PHLPP1: variants seen among roughly 807,000 people sequenced by gnomAD.
The protein encoded by PHLPP1 is PH domain leucine-rich repeat-containing protein phosphatase 1.
PHLPP1 carries 42 observed loss-of-function variants against 117.2 expected under a neutral mutation model. That is an observed-to-expected ratio of 0.36 (90% CI 0.28 to 0.46). The LOEUF (loss-of-function observed/expected upper bound fraction) is 0.46, where lower values mean the gene tolerates loss of function less well. Among genes scored for constraint, PHLPP1 ranks in the 20% least tolerant of loss-of-function variants. The pLI, the probability that PHLPP1 is intolerant of heterozygous loss-of-function variation, is 1.00. For synonymous variants in PHLPP1, 1,042 were observed against 970.7 expected (o/e 1.07, Z -1.37); for missense variants, 2,084 against 2,241.9 (o/e 0.93, Z 1.42).
chr18:62,723,923 G>A (rs1277024889), intron 1 of PHLPP1, among the ~76,000 whole-genome samples: 1 of 152,146 alleles, frequency 6.6e-6, no homozygotes, highest in Non-Finnish European at 1.5e-5. Flanking sequence ...AACATTCTGA[G>A]GCTTCATTAG....
intron 12 of PHLPP1, among the ~76,000 whole-genome samples, chr18:62,950,899 C>T (rs1910436202): frequency 1.3e-5 from 2 of 152,094 alleles, no homozygotes; most frequent in Non-Finnish European, 2.9e-5. Context: ...CACCCAGCCT[C>T]ACCAGGAACA....
intron 10 of PHLPP1, among the ~76,000 whole-genome samples, chr18:62,931,668 G>T (rs934396558): frequency 6.6e-6 from 1 of 151,848 alleles, no homozygotes. Context: ...GCTGAGGCAG[G>T]TGGATCATAA....
intron 3 of PHLPP1, among the ~76,000 whole-genome samples, chr18:62,858,559 G>GTAGAACATACAGTTCTGCTGTAC (rs1319087870): frequency 6.6e-6 from 1 of 152,118 alleles, no homozygotes; most frequent in African/African-American, 2.4e-5. Context: ...CACCATACCT[G>GTAGAACATACAGTTCTGCTGTAC]ATCTAGCAGA....
At chr18:62,803,420 C>A (rs1913843262) in intron 1 of PHLPP1, among the ~76,000 whole-genome samples, 1 of 152,104 alleles carries the variant, frequency 6.6e-6, no homozygotes, top group South Asian at 2.1e-4. Flanking sequence ...ATTTCTAACA[C>A]TCTAGCTTAG....
At chr18:62,964,666 T>A (rs1910855931) in intron 14 of PHLPP1, among the ~76,000 whole-genome samples, 1 of 152,202 alleles carries the variant, frequency 6.6e-6, no homozygotes, top group Admixed American at 6.5e-5. Context: ...GCACAGTATG[T>A]CATTGTGTTG....
At position 62,978,323 on chromosome 18, in the gene PHLPP1, C is replaced by T; in HGVS notation, c.4046C>T (p.Pro1349Leu). ...TRILGYTFLHPSVVPRPHVQS... is the reference protein window; with the variant it reads ...TRILGYTFLHLSVVPRPHVQS... Reference sequence around the variant, plus strand: ...ATCCTGGGCTACACCTTCCTCCATCCCAGTGTGGTGCCTCGCCCCCACGTG... The same window carrying T: ...ATCCTGGGCTACACCTTCCTCCATCTCAGTGTGGTGCCTCGCCCCCACGTG... The change falls in exon 17 of 17, where the codon CCC becomes CTC. Residue 1349 changes from proline (P) to leucine (L), a missense_variant. Physicochemically the swap from Pro to Leu is moderately conservative, Grantham distance 98. Transcript: ENST00000262719. The surrounding 1 kb of genome is among the most constrained non-coding windows in gnomAD (Gnocchi z 7.0). 1 of 1,613,184 alleles carries T rather than the reference C, an allele frequency of 6.2e-7. No homozygotes were observed. Among genetic ancestry groups the T allele is most frequent in the Non-Finnish European group, 8.5e-7 (1 of 1,179,414 alleles).
intron 1 of PHLPP1, among the ~76,000 whole-genome samples, chr18:62,746,760 A>T (rs1159674447): frequency 6.6e-6 from 1 of 150,502 alleles, no homozygotes; most frequent in Non-Finnish European, 1.5e-5. Context: ...ATTTATTCCT[A>T]TATATTGTAT....
intron 1 of PHLPP1, among the ~76,000 whole-genome samples, chr18:62,788,016 A>G (rs892836229): frequency 6.6e-6 from 1 of 152,246 alleles, no homozygotes; most frequent in African/African-American, 2.4e-5. Flanking sequence ...CACTGTATTC[A>G]TTCAGTATCC....
At chr18:62,766,076 A>AAAAAAATATATATATATATATATATATAT in intron 1 of PHLPP1, among the ~76,000 whole-genome samples, 8 of 21,658 alleles carry the variant, frequency 3.7e-4, no homozygotes, top group Admixed American at 7.9e-4. Context: ...AAAAAAAAAA[A>AAAAAAATATATATATATATATATATATAT]ATATATATAT....
At chr18:62,731,265 G>C (rs1323427562) in intron 1 of PHLPP1, 2 of 152,080 alleles carry the variant, frequency 1.3e-5, no homozygotes, top group Non-Finnish European at 2.9e-5. Flanking sequence ...TGTCATCCTT[G>C]CACAGGGACC....
intron 1 of PHLPP1, among the ~76,000 whole-genome samples, chr18:62,813,548 G>A (rs1485274190): frequency 6.6e-6 from 1 of 152,100 alleles, no homozygotes; most frequent in Admixed American, 6.6e-5. Context: ...CTTTGGTCTA[G>A]GTATAATCAA....
chr18:62,831,902 T>G (rs2144333125), intron 2 of PHLPP1, among the ~76,000 whole-genome samples: 1 of 152,364 alleles, frequency 6.6e-6, no homozygotes, highest in East Asian at 1.9e-4. Context: ...AGATTGATTT[T>G]AGTCGTTCAT....
chr18:62,787,443 G>T (rs71352595), intron 1 of PHLPP1, among the ~76,000 whole-genome samples: 10,255 of 152,180 alleles, frequency 0.067, 396 homozygotes, highest in Middle Eastern at 0.088. Flanking sequence ...GCTGGGATTA[G>T]AGGCTTGAGC....
Position 62,874,657 on chromosome 18 carries a change from G to GCACACACA in PHLPP1, c.2066+14084_2066+14091dup, listed in dbSNP as rs71340125. Among the ~76,000 whole-genome samples the GCACACACA allele has an allele frequency of 1.6e-4, 23 of 147,624 alleles. 1 individual carries two copies. The highest frequency in any genetic ancestry group is 5.5e-4 in the African/African-American group (22 of 39,916). ...CATCACAGGGCGCGCACGCACGCGC[G>GCACACACA]CACACACACACACACACACACACAC... On this transcript the variant is annotated intron_variant, in intron 4 of 16. Coordinates refer to ENST00000262719, the MANE Select transcript of PHLPP1 (RefSeq NM_194449.4).
chr18:62,855,701 C>T (rs372113469), intron 3 of PHLPP1, among the ~76,000 whole-genome samples: 3 of 152,130 alleles, frequency 2.0e-5, no homozygotes, highest in Non-Finnish European at 2.9e-5. Context: ...AAACAGCTTA[C>T]GGTCTAGAAG....
intron 1 of PHLPP1, among the ~76,000 whole-genome samples, chr18:62,762,068 A>G (rs1159383728): frequency 1.3e-5 from 2 of 152,144 alleles, no homozygotes; most frequent in Non-Finnish European, 2.9e-5. Flanking sequence ...AACAATTAAT[A>G]TGGATTTTTA....
intron 1 of PHLPP1, among the ~76,000 whole-genome samples, chr18:62,722,216 G>A (rs759889242): frequency 1.3e-5 from 2 of 152,128 alleles, no homozygotes; most frequent in Admixed American, 1.3e-4. Flanking sequence ...AGAGTTAACA[G>A]GTTTCTCCCA....
At chr18:62,736,352 G>T (rs1568098225) in intron 1 of PHLPP1, among the ~76,000 whole-genome samples, 1 of 152,182 alleles carries the variant, frequency 6.6e-6, no homozygotes, top group Non-Finnish European at 1.5e-5. Flanking sequence ...GTTGAAGGAG[G>T]TAAACCACTG....
At chr18:62,757,441 T>C (rs1912063993) in intron 1 of PHLPP1, among the ~76,000 whole-genome samples, 1 of 152,232 alleles carries the variant, frequency 6.6e-6, no homozygotes. Context: ...GAAAAAGGTG[T>C]GTTTTAATTT....
Sources: gnomAD v4.1 joint callset for allele counts (sites outside exome capture counted in the v4.1 genomes callset) on GRCh38, gnomAD v4.1.1 for gene constraint, Gnocchi (gnomAD v3.1) non-coding constraint, MANE v1.5 for transcripts, NCBI Gene and HGNC (gene_info 2026-07-23, HGNC 2026-07-21) for gene names.